FSTL4: variants seen among roughly 807,000 people sequenced by gnomAD.
FSTL4 encodes follistatin like 4.
In FSTL4, 28 loss-of-function variants were observed where a neutral mutation model predicts 78.2. The ratio of observed to expected loss-of-function variants is 0.36; its 90% CI spans 0.27 to 0.49. The LOEUF is 0.49. Among genes scored for constraint, FSTL4 ranks in the 20% least tolerant of loss-of-function variants. FSTL4 has a pLI of 0.98. For missense variants in FSTL4, 922 were observed against 1,084.9 expected, an observed-to-expected ratio of 0.85 and a Z score of 2.11; for synonymous variants, 422 against 440.5, an observed-to-expected ratio of 0.96 and a Z score of 0.53.
At chr5:133,537,064 G>C (rs115520412) in intron 3 of FSTL4, among the ~76,000 whole-genome samples, 4 of 152,286 alleles carry the variant, frequency 2.6e-5, no homozygotes, top group Non-Finnish European at 5.9e-5. Flanking sequence ...CAAAAGAGTT[G>C]CACAAGCTTC....
At chr5:133,545,309 T>A (rs1000484288) in intron 3 of FSTL4, among the ~76,000 whole-genome samples, 1 of 152,192 alleles carries the variant, frequency 6.6e-6, no homozygotes, top group Non-Finnish European at 1.5e-5. Flanking sequence ...GAGGGATTCA[T>A]GCCACTCTCG....
At chr5:133,414,261 C>CT (rs1416270218) in intron 3 of FSTL4, among the ~76,000 whole-genome samples, 2 of 152,194 alleles carry the variant, frequency 1.3e-5, no homozygotes, top group African/African-American at 4.8e-5. Flanking sequence ...AAATTTCTCT[C>CT]TGTCTACTCA....
chr5:133,347,326 C>A (rs1156623593), intron 4 of FSTL4, among the ~76,000 whole-genome samples: 1 of 152,136 alleles, frequency 6.6e-6, no homozygotes, highest in Non-Finnish European at 1.5e-5. Context: ...GGTGACCCCA[C>A]CCAATCCTCT....
the FSTL4 span, among the ~76,000 whole-genome samples, chr5:133,777,482 T>A: frequency 1.3e-5 from 2 of 152,230 alleles, no homozygotes; most frequent in African/African-American, 2.4e-5. Flanking sequence ...TTTTGAAAAC[T>A]ATTTTTTAGA....
intron 6 of FSTL4, among the ~76,000 whole-genome samples, chr5:133,303,816 A>T (rs1271967708): frequency 6.6e-6 from 1 of 152,210 alleles, no homozygotes; most frequent in Non-Finnish European, 1.5e-5. Context: ...TTTCAGAAGC[A>T]TGCCAAGGTG....
chr5:133,572,656 TAACAC>T (rs761899150), intron 2 of FSTL4, among the ~76,000 whole-genome samples: 2 of 152,142 alleles, frequency 1.3e-5, no homozygotes, highest in African/African-American at 2.4e-5. Context: ...TTCGGCTACT[TAACAC>T]AACAATAATG....
chr5:133,196,851 C>A lies in FSTL4; in HGVS notation c.*2244G>T, dbSNP rs989618876. 1 of 152,364 alleles carries A rather than the reference C, an allele frequency of 6.6e-6. No individual in the cohort carries two copies. Among genetic ancestry groups the A allele is most frequent in the African/African-American group, 2.4e-5 (1 of 41,458 alleles). The allele number at this position is 152,364 out of a possible 1,614,324, so 9.4% of individuals were successfully genotyped here. A position where few individuals can be genotyped will look rare whatever the true frequency, so the allele number is the denominator to read the frequency against. On this transcript the variant is annotated 3_prime_UTR_variant, in exon 16 of 16. Transcript: ENST00000265342. Reference sequence around the variant, plus strand: ...CCTCCTGGGGCTGGACTCCTGAAACCCTGACCTAGGCTTCAGGCCTGCTTC... The same window carrying A: ...CCTCCTGGGGCTGGACTCCTGAAACACTGACCTAGGCTTCAGGCCTGCTTC...
intron 3 of FSTL4, among the ~76,000 whole-genome samples, chr5:133,486,404 G>A (rs1438492869): frequency 6.6e-6 from 1 of 150,852 alleles, no homozygotes; most frequent in Non-Finnish European, 1.5e-5. Context: ...AAAGAGAGAC[G>A]GCAGAGGAGG....
At chr5:133,820,541 T>C in the FSTL4 span, among the ~76,000 whole-genome samples, 4 of 152,224 alleles carry the variant, frequency 2.6e-5, no homozygotes, top group African/African-American at 7.2e-5. Context: ...ATCATGTACA[T>C]GGTCTTTCAA....
the FSTL4 span, among the ~76,000 whole-genome samples, chr5:133,777,195 ATTACACAGC>A: frequency 0.011 from 1,663 of 151,322 alleles, 29 homozygotes; most frequent in African/African-American, 0.038. Context: ...ACAATGGAAA[ATTACACAGC>A]TATTAAAGAT....
At chr5:133,690,702 A>G in the FSTL4 span, among the ~76,000 whole-genome samples, 1 of 152,204 alleles carries the variant, frequency 6.6e-6, no homozygotes, top group Non-Finnish European at 1.5e-5. Context: ...TTTGATGTGA[A>G]CGTTTTGTGG....
intron 6 of FSTL4, among the ~76,000 whole-genome samples, chr5:133,286,556 A>C (rs1753133874): frequency 6.6e-6 from 1 of 152,200 alleles, no homozygotes; most frequent in Admixed American, 6.5e-5. Flanking sequence ...AAAGGCTTAA[A>C]AAGTCAACTC....
At chr5:133,771,010 T>C in the FSTL4 span, among the ~76,000 whole-genome samples, 1 of 152,244 alleles carries the variant, frequency 6.6e-6, no homozygotes, top group East Asian at 1.9e-4. Context: ...TTTTGTCAAC[T>C]TTGTTGAAGA....
chr5:133,423,460 C>T (rs1213899314), intron 3 of FSTL4, among the ~76,000 whole-genome samples: 2 of 152,348 alleles, frequency 1.3e-5, no homozygotes, highest in Middle Eastern at 3.4e-3. Context: ...CCCTCAGCCT[C>T]CCTCCTGGAA....
chr5:133,475,846 C>T (rs1275885187), intron 3 of FSTL4, among the ~76,000 whole-genome samples: 2 of 152,266 alleles, frequency 1.3e-5, no homozygotes, highest in East Asian at 3.9e-4. Flanking sequence ...CATTCGTGAG[C>T]CACCTCTGCT....
At chr5:133,709,229 T>A in the FSTL4 span, among the ~76,000 whole-genome samples, 17 of 152,106 alleles carry the variant, frequency 1.1e-4, no homozygotes, top group African/African-American at 4.1e-4. Context: ...GGGGAGGAAA[T>A]GAAGGATTTT....
At chr5:133,240,825 G>A (rs890817) in intron 7 of FSTL4, among the ~76,000 whole-genome samples, 36,893 of 151,980 alleles carry the variant, frequency 0.24, 5,697 homozygotes, top group East Asian at 0.49. Flanking sequence ...GAAGCCCTGA[G>A]AGGAAGGATA....
the FSTL4 span, among the ~76,000 whole-genome samples, chr5:133,822,181 T>C: frequency 6.6e-6 from 1 of 152,220 alleles, no homozygotes; most frequent in South Asian, 2.1e-4. Flanking sequence ...AATCCCTTGA[T>C]GTATCCAAAG....
At chr5:133,725,569 C>A in the FSTL4 span, among the ~76,000 whole-genome samples, 2 of 152,254 alleles carry the variant, frequency 1.3e-5, no homozygotes, top group East Asian at 1.9e-4. Flanking sequence ...TGTCTTTTAC[C>A]AAATCTTCTC....
Sources: gnomAD v4.1 joint callset for allele counts (sites outside exome capture counted in the v4.1 genomes callset) on GRCh38, gnomAD v4.1.1 for gene constraint, MANE v1.5 for transcripts, NCBI Gene and HGNC (gene_info 2026-07-23, HGNC 2026-07-21) for gene names.